The following MYO16 variants were observed in gnomAD, a reference collection of about 807,000 sequenced individuals.
The protein encoded by MYO16 is unconventional myosin-XVI.
In MYO16, 94 loss-of-function variants were observed where a neutral mutation model predicts 205.3. The ratio of observed to expected loss-of-function variants is 0.46; its 90% CI spans 0.39 to 0.54. The LOEUF (loss-of-function observed/expected upper bound fraction) is 0.54, where lower values mean the gene tolerates loss of function less well. Ranked by LOEUF, MYO16 falls within the 20% of genes least tolerant of loss-of-function variation. The pLI, the probability that MYO16 is intolerant of heterozygous loss-of-function variation, is 0.00. For synonymous variants in MYO16, 988 were observed against 954.0 expected (o/e 1.04, Z -0.66); for missense variants, 2,315 against 2,387.5 (o/e 0.97, Z 0.63).
At chr13:108,981,420 T>C (rs1566444314) in intron 20 of MYO16, among the ~76,000 whole-genome samples, 2 of 152,270 alleles carry the variant, frequency 1.3e-5, no homozygotes. Context: ...AGTTTGATGC[T>C]TCTCTTATAA....
chr13:108,552,992 A>G, the MYO16 span, among the ~76,000 whole-genome samples: 1 of 129,370 alleles, frequency 7.7e-6, no homozygotes, highest in East Asian at 2.3e-4. Context: ...AACTCTTAGT[A>G]CTCTTTAATA....
intron 1 of MYO16, among the ~76,000 whole-genome samples, chr13:108,621,857 T>G (rs1230741322): frequency 6.6e-6 from 1 of 152,208 alleles, no homozygotes; most frequent in African/African-American, 2.4e-5. Flanking sequence ...ACTTTTATTA[T>G]AGTATTTTGC....
chr13:108,617,312 T>C (rs138056613), intron 1 of MYO16, among the ~76,000 whole-genome samples: 43 of 152,266 alleles, frequency 2.8e-4, no homozygotes, highest in Non-Finnish European at 5.4e-4. Context: ...CTGCTGCTGG[T>C]CCAGGGGCCA....
At chr13:109,010,712 T>C (rs951684623) in intron 22 of MYO16, among the ~76,000 whole-genome samples, 7 of 152,070 alleles carry the variant, frequency 4.6e-5, no homozygotes, top group African/African-American at 1.7e-4. Context: ...AGTTTGTATG[T>C]GAACCTGTAA....
intron 32 of MYO16, among the ~76,000 whole-genome samples, chr13:109,144,997 G>C (rs2139817396): frequency 6.6e-6 from 1 of 152,268 alleles, no homozygotes; most frequent in South Asian, 2.1e-4. Context: ...TAGATTCTTG[G>C]ATATGCAATT....
chr13:108,954,446 G>T (rs1280252363), intron 16 of MYO16, among the ~76,000 whole-genome samples: 2 of 152,122 alleles, frequency 1.3e-5, no homozygotes, highest in African/African-American at 4.8e-5. Context: ...TATCATTAAG[G>T]TTTATCACTA....
intron 1 of MYO16, among the ~76,000 whole-genome samples, chr13:108,617,783 A>G (rs548265550): frequency 6.6e-5 from 10 of 152,330 alleles, no homozygotes; most frequent in African/African-American, 2.2e-4. Context: ...GGAGCCAAGG[A>G]CAAGACTTAC....
chr13:108,846,816 G>A (rs1247059598), intron 10 of MYO16, among the ~76,000 whole-genome samples: 1 of 151,956 alleles, frequency 6.6e-6, no homozygotes, highest in Non-Finnish European at 1.5e-5. Flanking sequence ...TAAATTGTGG[G>A]AAATCTCAGG....
chr13:108,958,740 T>C lies in MYO16; in HGVS notation c.2037+941T>C, dbSNP rs921630281. On this transcript the variant is annotated intron_variant, in intron 17 of 34. Transcript: ENST00000457511. ...CAGCCAGTGAATAAGACATAAGAAA[T>C]GGTCTAAGACTTGAGAGAAACCTCT... Among the ~76,000 whole-genome samples the C allele has an allele frequency of 4.3e-4, 65 of 152,176 alleles. 1 individual carries two copies. The highest frequency in any genetic ancestry group is 7.6e-4 in the Non-Finnish European group (52 of 68,016).
At position 108,717,227 on chromosome 13, in the gene MYO16, GCT is replaced by G. The variant is rs1432563672; in HGVS notation, c.363+4498_363+4499del. On this transcript the variant is annotated intron_variant, in intron 3 of 34. Coordinates refer to ENST00000457511, the MANE Select transcript of MYO16 (RefSeq NM_001198950.3). ...ACCCTCCACCTCAGACTATAGCCAA[GCT>G]CAGGTGAAATATATTAGAAATAAGA... Among the ~76,000 whole-genome samples, 4 of 152,264 alleles carry G rather than the reference GCT, an allele frequency of 2.6e-5. No individual in the cohort carries two copies. The East Asian group carries it at 7.7e-4, about 29-fold the overall frequency.
At chr13:108,527,532 T>C in the MYO16 span, among the ~76,000 whole-genome samples, 1 of 152,186 alleles carries the variant, frequency 6.6e-6, no homozygotes, top group Non-Finnish European at 1.5e-5. Context: ...AGTCAAAGAA[T>C]ATGAGGCTTA....
chr13:108,566,503 G>A, the MYO16 span, among the ~76,000 whole-genome samples: 59,250 of 151,198 alleles, frequency 0.39, 12,718 homozygotes, highest in East Asian at 0.56. Context: ...ATGGTGGTGG[G>A]TGCCTATAAT....
chr13:108,889,063 G>A (rs1880040750), intron 14 of MYO16, among the ~76,000 whole-genome samples: 1 of 151,346 alleles, frequency 6.6e-6, no homozygotes, highest in Non-Finnish European at 1.5e-5. Flanking sequence ...AAAAAAAAAA[G>A]AAAAGAAAAA....
At chr13:108,874,893 G>A (rs1879252709) in intron 12 of MYO16, among the ~76,000 whole-genome samples, 1 of 152,108 alleles carries the variant, frequency 6.6e-6, no homozygotes, top group African/African-American at 2.4e-5. Context: ...GGAGCCTCTG[G>A]CATCTGGGAG....
chr13:108,819,692 A>G (rs1253850423), intron 7 of MYO16, among the ~76,000 whole-genome samples: 4 of 152,088 alleles, frequency 2.6e-5, no homozygotes, highest in Non-Finnish European at 5.9e-5. Context: ...AATATATGTT[A>G]ATTTATCAAG....
chr13:109,072,029 A>C (rs1887939479), intron 27 of MYO16, among the ~76,000 whole-genome samples: 1 of 152,208 alleles, frequency 6.6e-6, no homozygotes. Flanking sequence ...AATAAAGCAT[A>C]CACATTCTGA....
intron 8 of MYO16, among the ~76,000 whole-genome samples, 155 bp from the exon 9 acceptor site, chr13:108,822,970 T>G (rs1876058806): frequency 6.6e-6 from 1 of 152,178 alleles, no homozygotes; most frequent in Admixed American, 6.6e-5. Flanking sequence ...GTACTTCAAT[T>G]TTATCCCAGC....
chr13:108,825,811 T>C (rs1318551553), intron 9 of MYO16, among the ~76,000 whole-genome samples: 1 of 149,106 alleles, frequency 6.7e-6, no homozygotes, highest in East Asian at 2.0e-4. Context: ...AAAAATGAGA[T>C]TGAAAACATG....
intron 16 of MYO16, among the ~76,000 whole-genome samples, chr13:108,929,715 G>A (rs1479200422): frequency 2.0e-5 from 3 of 152,052 alleles, no homozygotes; most frequent in African/African-American, 4.8e-5. Flanking sequence ...GGGAGGACCC[G>A]ACTGCAAAGA....
Sources: gnomAD v4.1 joint callset for allele counts (sites outside exome capture counted in the v4.1 genomes callset) on GRCh38, gnomAD v4.1.1 for gene constraint, MANE v1.5 for transcripts, NCBI Gene and HGNC (gene_info 2026-07-23, HGNC 2026-07-21) for gene names.